The following CCSER1 variants were observed in gnomAD, a reference collection of about 807,000 sequenced individuals.
The protein encoded by CCSER1 is serine-rich coiled-coil domain-containing protein 1.
A neutral mutation model predicts 82.0 loss-of-function variants in CCSER1; 41 were observed. The observed-to-expected ratio is 0.50, with a 90% CI of 0.39 to 0.65. CCSER1 has a LOEUF of 0.65. Among genes scored for constraint, CCSER1 ranks in the 30% least tolerant of loss-of-function variants. CCSER1 has a pLI of 0.00. For synonymous variants in CCSER1, 414 were observed against 383.9 expected, an observed-to-expected ratio of 1.08 and a Z score of -0.92; for missense variants, 1,119 against 1,064.2, an observed-to-expected ratio of 1.05 and a Z score of -0.72.
intron 8 of CCSER1, among the ~76,000 whole-genome samples, chr4:90,862,129 A>G (rs1347545380): frequency 6.6e-6 from 1 of 151,784 alleles, no homozygotes; most frequent in Admixed American, 6.6e-5. Context: ...TAGAACAATT[A>G]GAAGATACAT....
chr4:90,578,303 C>A (rs1780998150), intron 5 of CCSER1, among the ~76,000 whole-genome samples: 1 of 152,088 alleles, frequency 6.6e-6, no homozygotes, highest in Non-Finnish European at 1.5e-5. Flanking sequence ...AAGAAGTCAG[C>A]AAGACCACTT....
At chr4:90,601,756 T>C (rs1272923203) in intron 5 of CCSER1, among the ~76,000 whole-genome samples, 1 of 152,096 alleles carries the variant, frequency 6.6e-6, no homozygotes, top group Non-Finnish European at 1.5e-5. Context: ...ATGCTGTATA[T>C]TATTTTAATT....
chr4:90,619,661 A>G (rs986962733), intron 5 of CCSER1, among the ~76,000 whole-genome samples: 2 of 152,106 alleles, frequency 1.3e-5, no homozygotes, highest in African/African-American at 4.8e-5. Flanking sequence ...TATTACTTCA[A>G]TAATAGCATG....
intron 8 of CCSER1, among the ~76,000 whole-genome samples, chr4:90,836,405 C>T (rs1025743398): frequency 6.6e-6 from 1 of 152,080 alleles, no homozygotes; most frequent in Non-Finnish European, 1.5e-5. Context: ...GCTTCTTTGA[C>T]TCACAAGCTT....
At chr4:90,438,774 T>TTCTATCTA (rs10617236) in intron 4 of CCSER1, among the ~76,000 whole-genome samples, 22,023 of 150,264 alleles carry the variant, frequency 0.15, 1,756 homozygotes, top group East Asian at 0.29. Flanking sequence ...TTTTGATATC[T>TTCTATCTA]TCTATCTATC....
chr4:90,601,685 G>C (rs1320228573), intron 5 of CCSER1, among the ~76,000 whole-genome samples: 2 of 150,278 alleles, frequency 1.3e-5, no homozygotes, highest in African/African-American at 4.9e-5. Flanking sequence ...CTCTAATATG[G>C]GTGTTTAGTG....
intron 9 of CCSER1, among the ~76,000 whole-genome samples, chr4:91,061,300 A>T (rs1422417376): frequency 6.6e-6 from 1 of 151,988 alleles, no homozygotes. Context: ...AAAGAACTGA[A>T]ACTTACATAA....
chr4:90,618,847 G>A (rs898327396), intron 5 of CCSER1, among the ~76,000 whole-genome samples: 3 of 151,602 alleles, frequency 2.0e-5, no homozygotes, highest in Non-Finnish European at 3.0e-5. Flanking sequence ...CTTAAAAAAA[G>A]CCTTTATTTC....
chr4:90,218,589 C>G (rs886716070), intron 1 of CCSER1, among the ~76,000 whole-genome samples: 4 of 152,128 alleles, frequency 2.6e-5, no homozygotes, highest in Non-Finnish European at 4.4e-5. Flanking sequence ...ATACAGCTAG[C>G]TACATAATAA....
chr4:91,450,005 T>A (rs28685630), intron 10 of CCSER1, among the ~76,000 whole-genome samples: 123,885 of 152,034 alleles, frequency 0.81, 50,770 homozygotes, highest in East Asian at 0.92. Context: ...TCAGACTGAG[T>A]AACCAAGTTC....
intron 1 of CCSER1, among the ~76,000 whole-genome samples, chr4:90,157,174 T>G (rs1578233950): frequency 6.6e-6 from 1 of 152,220 alleles, no homozygotes; most frequent in Non-Finnish European, 1.5e-5. Flanking sequence ...TTGAAAATTC[T>G]TTTCTTTAAG....
At chr4:91,028,248 A>G (rs192802064) in intron 9 of CCSER1, among the ~76,000 whole-genome samples, 2 of 152,128 alleles carry the variant, frequency 1.3e-5, no homozygotes, top group East Asian at 3.9e-4. Flanking sequence ...AACATTTCAT[A>G]TACTTATCAG....
At chr4:91,338,007 T>C (rs1052966398) in intron 10 of CCSER1, among the ~76,000 whole-genome samples, 2 of 152,126 alleles carry the variant, frequency 1.3e-5, no homozygotes, top group African/African-American at 4.8e-5. Context: ...GCTAATGCCT[T>C]TGTCCTTCTC....
At chr4:90,386,994 T>C (rs1750163349) in intron 3 of CCSER1, among the ~76,000 whole-genome samples, 1 of 152,194 alleles carries the variant, frequency 6.6e-6, no homozygotes, top group African/African-American at 2.4e-5. Flanking sequence ...TTTTCTTTCT[T>C]GTTCATTGTT....
At chr4:91,155,561 A>G (rs1730729825) in intron 10 of CCSER1, among the ~76,000 whole-genome samples, 1 of 151,978 alleles carries the variant, frequency 6.6e-6, no homozygotes, top group South Asian at 2.1e-4. Flanking sequence ...GGAGTCATGA[A>G]CAAGTAGAGA....
intron 1 of CCSER1, among the ~76,000 whole-genome samples, chr4:90,242,647 T>C (rs955116281): frequency 6.6e-6 from 1 of 152,192 alleles, no homozygotes; most frequent in Admixed American, 6.5e-5. Flanking sequence ...AAACTAAGCT[T>C]ACAAAAATGA....
chr4:90,683,711 A>G (rs1352739087), intron 6 of CCSER1, among the ~76,000 whole-genome samples: 4 of 152,096 alleles, frequency 2.6e-5, no homozygotes, highest in Non-Finnish European at 5.9e-5. Flanking sequence ...TAAACTGACA[A>G]AAAGAAAATA....
At chr4:90,153,154 A>T (rs1222771237) in intron 1 of CCSER1, among the ~76,000 whole-genome samples, 1 of 149,204 alleles carries the variant, frequency 6.7e-6, no homozygotes, top group Non-Finnish European at 1.5e-5. Flanking sequence ...TTTGTTCTTG[A>T]GATAGTTTAC....
intron 10 of CCSER1, among the ~76,000 whole-genome samples, chr4:91,522,877 T>C (rs10856889): frequency 0.69 from 105,147 of 151,952 alleles, 37,263 homozygotes; most frequent in African/African-American, 0.85. Flanking sequence ...CTTTATTTTG[T>C]CTGATTGCCC....
Sources: gnomAD v4.1 joint callset for allele counts (sites outside exome capture counted in the v4.1 genomes callset) on GRCh38, gnomAD v4.1.1 for gene constraint, MANE v1.5 for transcripts, NCBI Gene and HGNC (gene_info 2026-07-23, HGNC 2026-07-21) for gene names.